Variants in CTDSPL2 observed in about 807,000 individuals in gnomAD.
CTDSPL2 encodes the protein CTD small phosphatase like 2.
CTDSPL2 carries 5 observed loss-of-function variants against 60.0 expected under a neutral mutation model. That is an observed-to-expected ratio of 0.08 (90% CI 0.04 to 0.18). The LOEUF is 0.18. CTDSPL2 is among the 10% of genes least tolerant of loss of function. The pLI, the probability that CTDSPL2 is intolerant of heterozygous loss-of-function variation, is 1.00. For synonymous variants in CTDSPL2, 186 were observed against 189.3 expected, an observed-to-expected ratio of 0.98 and a Z score of 0.14; for missense variants, 370 against 548.8, an observed-to-expected ratio of 0.67 and a Z score of 3.26.
intron 2 of CTDSPL2, among the ~76,000 whole-genome samples, chr15:44,472,974 T>G (rs2080841631): frequency 6.6e-6 from 1 of 152,190 alleles, no homozygotes; most frequent in Admixed American, 6.5e-5. Flanking sequence ...TTTTTGTATT[T>G]TTTGTAGAGA....
rs544372972 is a variant in CTDSPL2, at chr15:44,443,850, T to TA, written c.-24-15141_-24-15140insA. 3.2e-4 allele frequency among the ~76,000 whole-genome samples: 49 copies of TA among 152,274 alleles called. No individual in the cohort carries two copies. The South Asian group carries it at 0.01, about 32-fold the overall frequency. ...ATGATTTGCAAGTATTTTCTGCCAT[T>TA]CCATGGTTTGTCTTTTCACTCTGTT... On this transcript the variant is annotated intron_variant, in intron 1 of 12. Transcript: ENST00000260327.
intron 1 of CTDSPL2, among the ~76,000 whole-genome samples, chr15:44,455,623 G>A (rs1305125501): frequency 6.6e-6 from 1 of 151,558 alleles, no homozygotes; most frequent in Non-Finnish European, 1.5e-5. Context: ...GAGAGTTTTT[G>A]GCATGAAGGG....
chr15:44,453,462 A>T (rs2080370579), intron 1 of CTDSPL2, among the ~76,000 whole-genome samples: 1 of 151,858 alleles, frequency 6.6e-6, no homozygotes, highest in Non-Finnish European at 1.5e-5. Flanking sequence ...TCTAGGGTAC[A>T]TGTGCACAAC....
rs1197357283 is a variant in CTDSPL2, at chr15:44,434,169, A to G, written c.-25+6397A>G. Reference sequence around the variant, plus strand: ...GTAATCCCAGCACTTTGGGAGGCCAAGATGGGCAGATCATGAGGTCCAGAG... The same window carrying G: ...GTAATCCCAGCACTTTGGGAGGCCAGGATGGGCAGATCATGAGGTCCAGAG... On this transcript the variant is annotated intron_variant, in intron 1 of 12. Transcript: ENST00000260327. 2.0e-5 allele frequency among the ~76,000 whole-genome samples: 3 copies of G among 152,014 alleles called. No homozygotes were observed. In the East Asian group the frequency reaches 5.8e-4, roughly 30 times the overall value.
chr15:44,485,124 A>G (rs547409365), intron 3 of CTDSPL2, among the ~76,000 whole-genome samples: 3 of 152,174 alleles, frequency 2.0e-5, no homozygotes, highest in Non-Finnish European at 2.9e-5. Flanking sequence ...GGTTGTCACA[A>G]CTTGTGGAGG....
chr15:44,498,465 A>C lies in CTDSPL2; in HGVS notation c.883-1262A>C, dbSNP rs186939102. Among the ~76,000 whole-genome samples the C allele has an allele frequency of 2.2e-4, 34 of 152,288 alleles. No individual in the cohort carries two copies. In the East Asian group the frequency reaches 4.4e-3, roughly 20 times the overall value. On this transcript the variant is annotated intron_variant, in intron 7 of 12. Coordinates refer to ENST00000260327, the MANE Select transcript of CTDSPL2 (RefSeq NM_016396.3). ...AATGAGCCTGGTGTTGCAAGCGTGT[A>C]GTCCCAGCTACTCGGGAGGCCGAGA...
chr15:44,471,508 A>G (rs1003301392), intron 2 of CTDSPL2, among the ~76,000 whole-genome samples: 1 of 152,170 alleles, frequency 6.6e-6, no homozygotes, highest in African/African-American at 2.4e-5. Flanking sequence ...AACCATCACC[A>G]TCATCAAGGC....
intron 1 of CTDSPL2, among the ~76,000 whole-genome samples, chr15:44,456,720 G>GT (rs1205621675): frequency 6.6e-6 from 1 of 151,468 alleles, no homozygotes; most frequent in East Asian, 1.9e-4. Context: ...TTTTTTAAGG[G>GT]TTTTTTTGTG....
chr15:44,466,757 C>A (rs1433130488), intron 2 of CTDSPL2, among the ~76,000 whole-genome samples: 1 of 148,748 alleles, frequency 6.7e-6, no homozygotes, highest in African/African-American at 2.4e-5. Flanking sequence ...ACAGTGAAAC[C>A]CCGTCTCTAC....
rs1314215561 is a variant in CTDSPL2 at position 44,525,048 on chromosome 15, A to C, written c.*874A>C. 4.9e-6 allele frequency: 1 copy of C among 203,516 alleles called. No individual in the cohort carries two copies. The highest frequency in any genetic ancestry group is 9.8e-6 in the Non-Finnish European group (1 of 101,856). 12.6% of individuals were successfully genotyped at this position (203,516 alleles called of 1,614,324 possible). On this transcript the variant is annotated 3_prime_UTR_variant, in exon 13 of 13. Coordinates refer to ENST00000260327, the MANE Select transcript of CTDSPL2 (RefSeq NM_016396.3). ...TTTAATGGATAAAGGTATACCTCAG[A>C]CTTCACTGTGCTCACAAATCTTTGA...
chr15:44,464,543 G>T (rs949174765), intron 2 of CTDSPL2, among the ~76,000 whole-genome samples: 6 of 152,142 alleles, frequency 3.9e-5, no homozygotes, highest in Non-Finnish European at 7.4e-5. Context: ...CCAAGAACAA[G>T]ATGCTGGCCA....
intron 2 of CTDSPL2, among the ~76,000 whole-genome samples, chr15:44,464,472 A>G (rs1029071072): frequency 6.6e-6 from 1 of 152,182 alleles, no homozygotes; most frequent in Admixed American, 6.5e-5. Context: ...TATTTAACTG[A>G]TACCTGTATT....
At chr15:44,476,345 C>T (rs999559286) in intron 2 of CTDSPL2, among the ~76,000 whole-genome samples, 1 of 152,040 alleles carries the variant, frequency 6.6e-6, no homozygotes, top group Non-Finnish European at 1.5e-5. Flanking sequence ...GGATTACAGT[C>T]GCGAGCCACT....
intron 5 of CTDSPL2, among the ~76,000 whole-genome samples, chr15:44,495,320 C>A (rs371903813): frequency 6.6e-6 from 1 of 151,926 alleles, no homozygotes; most frequent in Non-Finnish European, 1.5e-5. Flanking sequence ...CGGTGGCTCA[C>A]GCCTGGAATT....
chr15:44,486,536 T>A lies in CTDSPL2; in HGVS notation c.326-15T>A. 1 of 1,515,378 alleles carries A rather than the reference T, an allele frequency of 6.6e-7. No individual in the cohort carries two copies. 93.9% of individuals were successfully genotyped at this position (1,515,378 alleles called of 1,614,324 possible). A position where few individuals can be genotyped will look rare whatever the true frequency, so the allele number is the denominator to read the frequency against. On this transcript the variant is annotated splice_polypyrimidine_tract_variant and intron_variant, in intron 3 of 12. Coordinates refer to ENST00000260327, the MANE Select transcript of CTDSPL2 (RefSeq NM_016396.3). ...TGTTTTCTAGATCATGACTTTTTTC[T>A]TGTTTCTTTTTTAGAAGCTGGTAGT...
chr15:44,486,468 T>TA (rs1214400103), intron 3 of CTDSPL2, 83 bp from the exon 4 acceptor site: 4 of 941,406 alleles, frequency 4.2e-6, no homozygotes, highest in Non-Finnish European at 6.1e-6. Context: ...GAAAAAGAGT[T>TA]ACTTCTATAA....
At chr15:44,484,419 A>T in intron 3 of CTDSPL2, 57 bp downstream of exon 3, 1 of 1,484,650 alleles carries the variant, frequency 6.7e-7, no homozygotes, top group South Asian at 1.2e-5. Context: ...CTCACCTGAC[A>T]CATTTCTTAT....
chr15:44,455,326 A>G (rs1324999785), intron 1 of CTDSPL2, among the ~76,000 whole-genome samples: 1 of 152,176 alleles, frequency 6.6e-6, no homozygotes, highest in African/African-American at 2.4e-5. Flanking sequence ...TTGGGCTGAG[A>G]TGATGGGGTT....
chr15:44,455,922 TCAC>T (rs1371101274), intron 1 of CTDSPL2, among the ~76,000 whole-genome samples: 1 of 130,886 alleles, frequency 7.6e-6, no homozygotes, highest in Non-Finnish European at 1.6e-5. Flanking sequence ...CAATCTCGGC[TCAC>T]TGCAGGCTCC....
Sources: gnomAD v4.1 joint callset for allele counts (sites outside exome capture counted in the v4.1 genomes callset) on GRCh38, gnomAD v4.1.1 for gene constraint, MANE v1.5 for transcripts, NCBI Gene and HGNC (gene_info 2026-07-23, HGNC 2026-07-21) for gene names.